Variants in IQGAP2 observed in about 807,000 individuals in gnomAD.
IQGAP2 encodes the protein IQ motif containing GTPase activating protein 2.
IQGAP2 carries 173 observed loss-of-function variants against 201.3 expected under a neutral mutation model. The ratio of observed to expected loss-of-function variants is 0.86; its 90% CI spans 0.76 to 0.98. IQGAP2 has a LOEUF of 0.98. Among genes scored for constraint, IQGAP2 ranks in the 50% least tolerant of loss-of-function variants. The probability of loss-of-function intolerance (pLI) is 0.00; values close to 1 mark genes in which losing one functional copy is unlikely to be tolerated. For synonymous variants in IQGAP2, 675 were observed against 673.9 expected (o/e 1.00, Z -0.03); for missense variants, 1,687 against 1,864.8 (o/e 0.90, Z 1.76).
intron 2 of IQGAP2, among the ~76,000 whole-genome samples, chr5:76,516,031 A>G (rs886300329): frequency 3.3e-5 from 5 of 151,796 alleles, no homozygotes; most frequent in African/African-American, 1.2e-4. Flanking sequence ...GTGTGCCACC[A>G]TGCCTGGATA....
chr5:76,507,415 G>C (rs1030951458), intron 2 of IQGAP2, among the ~76,000 whole-genome samples: 1 of 118,944 alleles, frequency 8.4e-6, no homozygotes. Flanking sequence ...AAAACTCCTA[G>C]ATATTTATTG....
intron 14 of IQGAP2, among the ~76,000 whole-genome samples, chr5:76,630,011 C>G (rs886771869): frequency 6.6e-6 from 1 of 152,184 alleles, no homozygotes; most frequent in Admixed American, 6.5e-5. Flanking sequence ...TCACTGAGCA[C>G]CCCTCAGATA....
chr5:76,674,129 T>A, intron 26 of IQGAP2, 93 bp downstream of exon 26: 1 of 743,622 alleles, frequency 1.3e-6, no homozygotes, highest in East Asian at 2.5e-5. Flanking sequence ...TCCCCATGTA[T>A]GATTATTTAT....
At chr5:76,597,133 G>A (rs1747087786) in intron 9 of IQGAP2, 2 of 293,478 alleles carry the variant, frequency 6.8e-6, no homozygotes. Flanking sequence ...AGGCTTCAGG[G>A]AAGAAATGAG....
At chr5:76,462,800 T>C (rs1431869582) in intron 2 of IQGAP2, among the ~76,000 whole-genome samples, 4 of 152,120 alleles carry the variant, frequency 2.6e-5, no homozygotes, top group Non-Finnish European at 5.9e-5. Context: ...AGTTGTTTAA[T>C]ATTTTAGTAG....
intron 1 of IQGAP2, among the ~76,000 whole-genome samples, chr5:76,457,716 G>A (rs1354342577): frequency 6.6e-6 from 1 of 152,068 alleles, no homozygotes; most frequent in Non-Finnish European, 1.5e-5. Flanking sequence ...GTGTTCTTTG[G>A]GAAATGGACT....
intron 2 of IQGAP2, among the ~76,000 whole-genome samples, chr5:76,507,942 G>T (rs1014275118): frequency 5.4e-5 from 8 of 147,088 alleles, no homozygotes; most frequent in Non-Finnish European, 1.2e-4. Context: ...CTGGGAGGTT[G>T]CAGTGAGCCA....
At chr5:76,671,689 G>GGAA in intron 23 of IQGAP2, 70 bp from the exon 24 acceptor site, 2 of 812,454 alleles carry the variant, frequency 2.5e-6, no homozygotes, top group Non-Finnish European at 3.7e-6. Flanking sequence ...CTGTCTCGGG[G>GGAA]AAAAAAAAAA....
At chr5:76,648,263 C>T (rs987748559) in intron 17 of IQGAP2, among the ~76,000 whole-genome samples, 16 of 152,052 alleles carry the variant, frequency 1.1e-4, no homozygotes, top group African/African-American at 3.6e-4. Flanking sequence ...CTTTTTTTCT[C>T]TTCACCTTTA....
intron 2 of IQGAP2, among the ~76,000 whole-genome samples, chr5:76,475,577 A>G (rs538906616): frequency 4.6e-5 from 7 of 152,296 alleles, no homozygotes; most frequent in East Asian, 3.9e-4. Context: ...CCTCCCTGTA[A>G]GACCGGGAAT....
intron 4 of IQGAP2, among the ~76,000 whole-genome samples, chr5:76,572,028 G>A (rs1745148207): frequency 6.6e-6 from 1 of 152,046 alleles, no homozygotes; most frequent in African/African-American, 2.4e-5. Flanking sequence ...CCCTCCCCCA[G>A]CCCTGTTCCC....
chr5:76,665,173 C>T lies in IQGAP2; in HGVS notation c.2677C>T (p.Gln893Ter). Residue 893 changes from glutamine (Q) to a stop codon, truncating the protein, a stop_gained and splice_region_variant, in exon 22 of 36, where the codon CAG becomes TAG. Transcript: ENST00000274364. LOFTEE classifies it high-confidence loss of function. ...ETYQQLFYLL[Q>*]TNPLYLAKLI... is the part of the protein sequence containing the mutation. The stretch of plus-strand genomic sequence containing the variant: ...ATATCAGCAGCTGTTTTACCTTTTA[C>T]AGGTGAGAACAATTTATCGTTCACT... 6.2e-7 allele frequency: 1 copy of T among 1,610,708 alleles called. No individual in the cohort carries two copies. The highest frequency in any genetic ancestry group is 8.5e-7 in the Non-Finnish European group (1 of 1,178,648).
intron 2 of IQGAP2, among the ~76,000 whole-genome samples, chr5:76,536,356 C>CT (rs1759622068): frequency 6.6e-6 from 1 of 151,850 alleles, no homozygotes; most frequent in South Asian, 2.1e-4. Flanking sequence ...CAGGCGTGAG[C>CT]TACCACGCCT....
At chr5:76,419,679 T>C (rs890524952) in intron 1 of IQGAP2, among the ~76,000 whole-genome samples, 1 of 151,630 alleles carries the variant, frequency 6.6e-6, no homozygotes, top group Non-Finnish European at 1.5e-5. Context: ...TTTTCTTTTT[T>C]TTTTTTTGTG....
rs201309376 is a variant in IQGAP2 at position 76,590,488 on chromosome 5, A to C, written c.721A>C (p.Asn241His). 7 of 1,613,866 alleles carry C rather than the reference A, an allele frequency of 4.3e-6. No homozygotes were observed. The highest frequency in any genetic ancestry group is 5.1e-6 in the Non-Finnish European group (6 of 1,179,892). Residue 241 changes from asparagine to histidine, a missense_variant, in exon 8 of 36, where the codon AAT becomes CAT. Asn to His is a moderately conservative substitution (Grantham distance 68). Coordinates refer to ENST00000274364, the MANE Select transcript of IQGAP2 (RefSeq NM_006633.5). Reference sequence around the variant, plus strand: ...AACCGTTGTAACACTAAGAAACCCAAATGCGGTTTTAACTTTAGTGGATGA... The same window carrying C: ...AACCGTTGTAACACTAAGAAACCCACATGCGGTTTTAACTTTAGTGGATGA... Reference protein sequence around the residue: ...EQTVVTLRNPNAVLTLVDDNL... With the variant: ...EQTVVTLRNPHAVLTLVDDNL...
intron 12 of IQGAP2, chr5:76,608,978 C>A: frequency 1.0e-6 from 1 of 984,888 alleles, no homozygotes; most frequent in Non-Finnish European, 1.5e-6. Context: ...TGAAGCTCAG[C>A]AATCTTTCTT....
intron 30 of IQGAP2, among the ~76,000 whole-genome samples, chr5:76,692,638 G>T (rs1056585268): frequency 6.6e-6 from 1 of 152,138 alleles, no homozygotes; most frequent in Non-Finnish European, 1.5e-5. Flanking sequence ...TACGGTTTTC[G>T]TACTTCCAGA....
chr5:76,511,413 A>C (rs867163889), intron 2 of IQGAP2, among the ~76,000 whole-genome samples: 1 of 152,226 alleles, frequency 6.6e-6, no homozygotes, highest in African/African-American at 2.4e-5. Context: ...AACTTCTATC[A>C]AAAAGTAAAA....
chr5:76,480,122 A>G (rs2150143693), intron 2 of IQGAP2, among the ~76,000 whole-genome samples: 1 of 152,164 alleles, frequency 6.6e-6, no homozygotes, highest in Admixed American at 6.5e-5. Flanking sequence ...CTGGGCAGGG[A>G]GTGTCACCAG....
Sources: allele counts gnomAD v4.1 joint callset (sites outside exome capture counted in the v4.1 genomes callset), GRCh38; gene constraint gnomAD v4.1.1; transcripts MANE v1.5; gene names NCBI Gene and HGNC (gene_info 2026-07-23, HGNC 2026-07-21).